The following OSBPL10 variants were observed in gnomAD, a reference collection of about 807,000 sequenced individuals.
OSBPL10 encodes oxysterol binding protein like 10.
In OSBPL10, 49 loss-of-function variants were observed where a neutral mutation model predicts 81.7. The observed-to-expected ratio is 0.60, with a 90% confidence interval of 0.48 to 0.76. OSBPL10 has a LOEUF of 0.76. Among genes scored for constraint, OSBPL10 ranks in the 30% least tolerant of loss-of-function variants. The probability of loss-of-function intolerance (pLI) is 0.00; values close to 1 mark genes in which losing one functional copy is unlikely to be tolerated. For missense variants in OSBPL10, 923 were observed against 987.8 expected, an observed-to-expected ratio of 0.93 and a Z score of 0.88; for synonymous variants, 419 against 383.6, an observed-to-expected ratio of 1.09 and a Z score of -1.08.
intron 1 of OSBPL10, among the ~76,000 whole-genome samples, chr3:31,907,403 G>A (rs1197600890): frequency 1.3e-5 from 2 of 152,000 alleles, no homozygotes; most frequent in African/African-American, 4.8e-5. Flanking sequence ...GAGGTGGGCA[G>A]ATCACTTGAG....
At chr3:31,873,716 G>A (rs1424461045) in intron 3 of OSBPL10, among the ~76,000 whole-genome samples, 1 of 152,212 alleles carries the variant, frequency 6.6e-6, no homozygotes, top group Non-Finnish European at 1.5e-5. Context: ...ACACGGTGAA[G>A]AGGAGGCTTG....
chr3:31,954,563 T>G (rs983931866), intron 1 of OSBPL10, among the ~76,000 whole-genome samples: 1 of 152,022 alleles, frequency 6.6e-6, no homozygotes, highest in Non-Finnish European at 1.5e-5. Context: ...AATGCTAGAG[T>G]AGGCAAAAAC....
intron 7 of OSBPL10, among the ~76,000 whole-genome samples, chr3:31,700,634 G>T (rs1475710722): frequency 6.6e-6 from 1 of 152,092 alleles, no homozygotes; most frequent in East Asian, 1.9e-4. Flanking sequence ...CCACTAAATT[G>T]GTTTCACAAC....
chr3:31,728,070 T>A (rs553634149), intron 6 of OSBPL10, among the ~76,000 whole-genome samples: 28 of 152,346 alleles, frequency 1.8e-4, no homozygotes, highest in Non-Finnish European at 3.5e-4. Flanking sequence ...TGGGAAAGGA[T>A]GATTAGGACA....
intron 2 of OSBPL10, among the ~76,000 whole-genome samples, chr3:31,878,288 G>A (rs958011217): frequency 4.6e-5 from 7 of 152,158 alleles, no homozygotes; most frequent in African/African-American, 1.7e-4. Flanking sequence ...ATAAACCACA[G>A]GCAGGGTGGA....
At chr3:31,820,437 A>G (rs1429012564) in intron 4 of OSBPL10, among the ~76,000 whole-genome samples, 1 of 152,088 alleles carries the variant, frequency 6.6e-6, no homozygotes, top group Non-Finnish European at 1.5e-5. Context: ...TCTACTAAAA[A>G]TAGAAAAATT....
In OSBPL10 at chr3:31,756,697, T is replaced by C. The variant is rs61135418; in HGVS notation, c.730-8577A>G. Among the ~76,000 whole-genome samples, 675 of 152,270 alleles carry C rather than the reference T, an allele frequency of 4.4e-3. 6 individuals are homozygous for C. Among genetic ancestry groups the C allele is most frequent in the African/African-American group, 0.015 (626 of 41,548 alleles). On this transcript the variant is annotated intron_variant, in intron 4 of 11. Transcript: ENST00000396556. ...GGGTAAAAGAGCAAGGATGAAACAA[T>C]ATTGGCTTTGGGGGTAGCTAAAGCT...
intron 3 of OSBPL10, among the ~76,000 whole-genome samples, chr3:31,841,904 A>G (rs750505336): frequency 4.0e-4 from 61 of 152,338 alleles, no homozygotes; most frequent in Non-Finnish European, 7.8e-4. Flanking sequence ...AAATATCAAT[A>G]AAAGTGAGCT....
At chr3:31,722,475 A>T (rs1051983053) in intron 6 of OSBPL10, among the ~76,000 whole-genome samples, 48 of 152,236 alleles carry the variant, frequency 3.2e-4, no homozygotes, top group African/African-American at 1.1e-3. Flanking sequence ...ATAATATTAC[A>T]TTCTAAATAA....
chr3:32,049,326 A>C (rs1699651364), intron 1 of OSBPL10, among the ~76,000 whole-genome samples: 1 of 152,146 alleles, frequency 6.6e-6, no homozygotes, highest in African/African-American at 2.4e-5. Context: ...TCTTGCTGGC[A>C]ACCATGAAGG....
rs1699898861 is a variant in OSBPL10, at chr3:31,818,365, T to C, written c.729+11675A>G. On this transcript the variant is annotated intron_variant, in intron 4 of 11. Coordinates refer to ENST00000396556, the MANE Select transcript of OSBPL10 (RefSeq NM_017784.5). ...TCATCTCCGGCCTGATGGCCCACCCTGCAGATTTTGAAGTTGCCAGCCTCC... is the reference window on the plus strand; with the variant it reads ...TCATCTCCGGCCTGATGGCCCACCCCGCAGATTTTGAAGTTGCCAGCCTCC... Among the ~76,000 whole-genome samples, 5 of 152,212 alleles carry C rather than the reference T, an allele frequency of 3.3e-5. No individual in the cohort carries two copies. The South Asian group carries it at 1.0e-3, about 32-fold the overall frequency.
At chr3:32,055,450 C>T (rs920525700) in intron 1 of OSBPL10, among the ~76,000 whole-genome samples, 4 of 151,938 alleles carry the variant, frequency 2.6e-5, no homozygotes, top group Non-Finnish European at 5.9e-5. Context: ...CCCACATCAG[C>T]CCCCCAAAGT....
At chr3:31,790,673 C>A (rs1316951342) in intron 4 of OSBPL10, among the ~76,000 whole-genome samples, 1 of 152,106 alleles carries the variant, frequency 6.6e-6, no homozygotes, top group Admixed American at 6.6e-5. Context: ...TGGAGCCAAT[C>A]CTTGAGGTCT....
At chr3:31,755,320 T>TGTGTAA (rs771475982) in intron 4 of OSBPL10, among the ~76,000 whole-genome samples, 1 of 152,218 alleles carries the variant, frequency 6.6e-6, no homozygotes, top group Non-Finnish European at 1.5e-5. Flanking sequence ...CTTTCAAAGA[T>TGTGTAA]GTGTAAGTGT....
intron 1 of OSBPL10, among the ~76,000 whole-genome samples, chr3:31,882,358 G>T (rs1333036998): frequency 6.6e-6 from 1 of 152,200 alleles, no homozygotes; most frequent in Admixed American, 6.5e-5. Flanking sequence ...ACGCAAAAAT[G>T]TGTCAGAACC....
At chr3:31,744,748 T>C (rs895126656) in intron 5 of OSBPL10, among the ~76,000 whole-genome samples, 2 of 149,394 alleles carry the variant, frequency 1.3e-5, no homozygotes, top group Admixed American at 6.8e-5. Context: ...TTTGTTCCCC[T>C]GGGCCCTTAA....
intron 1 of OSBPL10, among the ~76,000 whole-genome samples, chr3:31,938,485 C>A (rs190564408): frequency 1.1e-4 from 16 of 152,284 alleles, no homozygotes; most frequent in African/African-American, 3.8e-4. Flanking sequence ...TCTTTCCATT[C>A]CCCTCAGAAG....
chr3:31,868,062 A>G (rs1209329497), intron 3 of OSBPL10, among the ~76,000 whole-genome samples: 11 of 152,224 alleles, frequency 7.2e-5, no homozygotes, highest in African/African-American at 2.6e-4. Context: ...GTACAAGAAA[A>G]AAAAAAAAGA....
intron 2 of OSBPL10, among the ~76,000 whole-genome samples, chr3:32,037,225 G>A (rs1489030802): frequency 1.3e-5 from 2 of 152,216 alleles, no homozygotes; most frequent in Non-Finnish European, 2.9e-5. Flanking sequence ...ACACAAGCAG[G>A]AGGCAGTCAG....
Sources: allele counts gnomAD v4.1 joint callset (sites outside exome capture counted in the v4.1 genomes callset), GRCh38; gene constraint gnomAD v4.1.1; transcripts MANE v1.5; gene names NCBI Gene and HGNC (gene_info 2026-07-23, HGNC 2026-07-21).